CADM2: variants seen among roughly 807,000 people sequenced by gnomAD.
CADM2 encodes cell adhesion molecule 2.
In CADM2, 12 loss-of-function variants were observed where a neutral mutation model predicts 49.8. The observed-to-expected ratio is 0.24, with a 90% CI of 0.15 to 0.39. CADM2 has a LOEUF of 0.39. Among genes scored for constraint, CADM2 ranks in the 10% least tolerant of loss-of-function variants. The pLI is 1.00. For synonymous variants in CADM2, 214 were observed against 175.4 expected (o/e 1.22, Z -1.74); for missense variants, 378 against 492.3 (o/e 0.77, Z 2.20).
rs535504491 is a variant in CADM2, at chr3:85,481,055, G to A, written c.62-245467G>A. On this transcript the variant is annotated intron_variant, in intron 1 of 9. Coordinates refer to ENST00000383699, the MANE Select transcript of CADM2 (RefSeq NM_001167675.2). ...TCATCTTTCATCTTTATAATCTAAG[G>A]CCTATATTTGCACACAAAAGGAAGT... 2.6e-5 allele frequency among the ~76,000 whole-genome samples: 4 copies of A among 151,142 alleles called. No homozygotes were observed. The South Asian group carries it at 8.3e-4, about 31-fold the overall frequency.
chr3:85,585,112 A>C (rs1208137652), intron 1 of CADM2, among the ~76,000 whole-genome samples: 1 of 152,028 alleles, frequency 6.6e-6, no homozygotes, highest in Non-Finnish European at 1.5e-5. Flanking sequence ...AATCTCATGC[A>C]GTCTGCTCCA....
chr3:85,815,488 C>CAA (rs368873130), intron 3 of CADM2, among the ~76,000 whole-genome samples: 141 of 152,164 alleles, frequency 9.3e-4, no homozygotes, highest in African/African-American at 2.7e-3. Flanking sequence ...GAACCCAAGA[C>CAA]AAAAACCACA....
chr3:85,570,187 A>G (rs1356651615), intron 1 of CADM2, among the ~76,000 whole-genome samples: 1 of 152,110 alleles, frequency 6.6e-6, no homozygotes, highest in East Asian at 1.9e-4. Flanking sequence ...TTCTGTCCAT[A>G]TATTTATTTA....
chr3:86,026,229 T>C (rs1194960319), intron 8 of CADM2, among the ~76,000 whole-genome samples: 2 of 152,146 alleles, frequency 1.3e-5, no homozygotes, highest in Non-Finnish European at 2.9e-5. Context: ...TTGTTACATT[T>C]AACTGTGTTT....
chr3:85,853,784 A>T (rs888371011), intron 3 of CADM2, among the ~76,000 whole-genome samples: 1 of 151,964 alleles, frequency 6.6e-6, no homozygotes, highest in African/African-American at 2.4e-5. Context: ...AACTAAAATA[A>T]TATATAAATG....
At chr3:85,622,075 A>G (rs1052473154) in intron 1 of CADM2, among the ~76,000 whole-genome samples, 4 of 152,244 alleles carry the variant, frequency 2.6e-5, no homozygotes, top group Non-Finnish European at 4.4e-5. Context: ...ACAATTGCTT[A>G]CCTTATGTGG....
intron 8 of CADM2, among the ~76,000 whole-genome samples, chr3:85,999,900 A>G (rs1371741110): frequency 6.6e-6 from 1 of 152,198 alleles, no homozygotes; most frequent in Non-Finnish European, 1.5e-5. Context: ...AGGACAACGT[A>G]AATTCAGTTA....
intron 1 of CADM2, among the ~76,000 whole-genome samples, chr3:85,473,255 A>C (rs1225182128): frequency 6.6e-6 from 1 of 152,068 alleles, no homozygotes; most frequent in Non-Finnish European, 1.5e-5. Flanking sequence ...ATAACGAAGG[A>C]GGTAACAATC....
intron 7 of CADM2, among the ~76,000 whole-genome samples, chr3:85,961,023 T>TG (rs1724745628): frequency 6.9e-6 from 1 of 144,312 alleles, no homozygotes; most frequent in Non-Finnish European, 1.5e-5. Context: ...TTATATATAT[T>TG]TATACTCATA....
intron 1 of CADM2, among the ~76,000 whole-genome samples, chr3:85,477,669 G>A (rs1326990084): frequency 1.3e-5 from 2 of 151,746 alleles, no homozygotes; most frequent in Non-Finnish European, 2.9e-5. Flanking sequence ...TTTTCTTTGG[G>A]GTCTGTCTGT....
intron 1 of CADM2, among the ~76,000 whole-genome samples, chr3:84,974,014 A>G (rs945020415): frequency 3.3e-5 from 5 of 152,176 alleles, no homozygotes; most frequent in African/African-American, 1.2e-4. Flanking sequence ...TATTTAAAAC[A>G]TTGGAGAGAA....
At chr3:85,354,768 A>C (rs1050968293) in intron 1 of CADM2, among the ~76,000 whole-genome samples, 1 of 152,112 alleles carries the variant, frequency 6.6e-6, no homozygotes, top group African/African-American at 2.4e-5. Context: ...CAGGCTGGTT[A>C]TCCCACAGGC....
intron 1 of CADM2, among the ~76,000 whole-genome samples, chr3:85,332,099 A>G (rs2044946643): frequency 6.6e-6 from 1 of 152,046 alleles, no homozygotes; most frequent in Non-Finnish European, 1.5e-5. Flanking sequence ...ATCAGTCACA[A>G]TATAAACCTA....
chr3:84,994,705 A>C (rs2033079611), intron 1 of CADM2, among the ~76,000 whole-genome samples: 1 of 152,202 alleles, frequency 6.6e-6, no homozygotes, highest in South Asian at 2.1e-4. Context: ...ATTTTTGGAT[A>C]TACATAAAAT....
At chr3:85,944,882 G>A (rs947500205) in intron 7 of CADM2, among the ~76,000 whole-genome samples, 12 of 151,996 alleles carry the variant, frequency 7.9e-5, no homozygotes, top group African/African-American at 2.9e-4. Context: ...AGAAGCAAGA[G>A]CAAACACATT....
At chr3:85,426,697 T>C (rs1318457512) in intron 1 of CADM2, among the ~76,000 whole-genome samples, 2 of 152,126 alleles carry the variant, frequency 1.3e-5, no homozygotes, top group African/African-American at 2.4e-5. Flanking sequence ...AGTCACCCAG[T>C]TGTGCTTTCA....
At chr3:85,977,941 A>G (rs1049994596) in intron 8 of CADM2, among the ~76,000 whole-genome samples, 1 of 151,630 alleles carries the variant, frequency 6.6e-6, no homozygotes, top group Non-Finnish European at 1.5e-5. Flanking sequence ...GAGTAGGGCT[A>G]TTTATCAGCA....
At chr3:85,894,942 G>T (rs964131672) in intron 5 of CADM2, among the ~76,000 whole-genome samples, 2 of 152,228 alleles carry the variant, frequency 1.3e-5, no homozygotes, top group African/African-American at 4.8e-5. Context: ...TTTGCTGCAG[G>T]GGCAGGGCCC....
intron 1 of CADM2, among the ~76,000 whole-genome samples, chr3:85,520,421 C>A (rs1328082235): frequency 6.6e-6 from 1 of 151,810 alleles, no homozygotes; most frequent in African/African-American, 2.4e-5. Flanking sequence ...ATATTTTAGT[C>A]CATGTGTACA....
Sources: allele counts gnomAD v4.1 joint callset (sites outside exome capture counted in the v4.1 genomes callset), GRCh38; gene constraint gnomAD v4.1.1; transcripts MANE v1.5; gene names NCBI Gene and HGNC (gene_info 2026-07-23, HGNC 2026-07-21).